Variants in SDK1 observed in about 807,000 individuals in gnomAD.
The protein encoded by SDK1 is sidekick cell adhesion molecule 1.
In SDK1, 157 loss-of-function variants were observed where a neutral mutation model predicts 245.5. The ratio of observed to expected loss-of-function variants is 0.64; its 90% CI spans 0.56 to 0.73. SDK1 has a LOEUF of 0.73. SDK1 is among the 30% of genes least tolerant of loss of function. The probability of loss-of-function intolerance (pLI) is 0.00; values close to 1 mark genes in which losing one functional copy is unlikely to be tolerated. For synonymous variants in SDK1, 1,647 were observed against 1,278.5 expected, an observed-to-expected ratio of 1.29 and a Z score of -6.15; for missense variants, 3,583 against 3,002.3, an observed-to-expected ratio of 1.19 and a Z score of -4.52.
rs77834006 is a variant in SDK1, at chr7:3,806,998, G to T, written c.714-14452G>T. 4.6e-3 allele frequency among the ~76,000 whole-genome samples: 698 copies of T among 152,064 alleles called. 7 individuals carry two copies. Among genetic ancestry groups the T allele is most frequent in the African/African-American group, 0.016 (654 of 41,470 alleles). ...TCAAAACGGCCCTTTTTGAGTTATC[G>T]ATAGCTGTATTTCACCCAGGCAAAT... On this transcript the variant is annotated intron_variant, in intron 4 of 44. Transcript: ENST00000404826.
chr7:3,742,237 A>C (rs577286296), intron 4 of SDK1, among the ~76,000 whole-genome samples: 4 of 151,642 alleles, frequency 2.6e-5, no homozygotes, highest in African/African-American at 9.7e-5. Context: ...GGGCTGTAAG[A>C]GATCAGATTA....
intron 5 of SDK1, among the ~76,000 whole-genome samples, chr7:3,874,430 G>A (rs6978318): frequency 0.19 from 29,191 of 152,048 alleles, 2,948 homozygotes; most frequent in Middle Eastern, 0.29. Context: ...TGTGTGCAGG[G>A]ATTGAGGGCA....
intron 4 of SDK1, among the ~76,000 whole-genome samples, chr7:3,808,858 AATC>A (rs1779315278): frequency 6.6e-6 from 1 of 152,194 alleles, no homozygotes; most frequent in Non-Finnish European, 1.5e-5. Flanking sequence ...AAGAAAAAAA[AATC>A]ATTAAAAATT....
Position 3,608,068 on chromosome 7 carries a change from G to C in SDK1, c.299-11012G>C, listed in dbSNP as rs73673645. ...GAGAAAACTTCTGGCACCTGAGCGC[G>C]TATCCCGAGGCAGTGGTGCCAAACT... On this transcript the variant is annotated intron_variant, in intron 1 of 44. Coordinates refer to ENST00000404826, the MANE Select transcript of SDK1 (RefSeq NM_152744.4). 2.2e-3 allele frequency among the ~76,000 whole-genome samples: 328 copies of C among 152,308 alleles called. 4 individuals carry two copies. The highest frequency in any genetic ancestry group is 7.7e-3 in the African/African-American group (318 of 41,558).
At chr7:3,314,272 C>G (rs908251049) in intron 1 of SDK1, among the ~76,000 whole-genome samples, 17 of 152,146 alleles carry the variant, frequency 1.1e-4, no homozygotes, top group African/African-American at 4.1e-4. Context: ...GTGAGGAACC[C>G]AACACCTAGA....
intron 1 of SDK1, among the ~76,000 whole-genome samples, chr7:3,495,993 G>A (rs144195972): frequency 7.2e-5 from 11 of 152,282 alleles, no homozygotes; most frequent in Admixed American, 1.3e-4. Context: ...TCAGTGGCCC[G>A]TCACTATAAC....
In SDK1 at chr7:3,993,929, A is replaced by T. The variant is rs1025915; in HGVS notation, c.2131+6607A>T. On this transcript the variant is annotated intron_variant, in intron 14 of 44. Coordinates refer to ENST00000404826, the MANE Select transcript of SDK1 (RefSeq NM_152744.4). ...CATCCCCTCAGCTTCTCTGCAAGCA[A>T]TGCTCTTGATCACTCTCCCCACACA... Among the ~76,000 whole-genome samples, 594 of 152,120 alleles carry T rather than the reference A, an allele frequency of 3.9e-3. 9 individuals carry two copies. The highest frequency in any genetic ancestry group is 0.014 in the African/African-American group (576 of 41,474).
intron 1 of SDK1, among the ~76,000 whole-genome samples, chr7:3,321,510 C>T (rs531719972): frequency 7.6e-4 from 116 of 152,202 alleles, no homozygotes; most frequent in African/African-American, 2.5e-3. Context: ...GATACTGAGT[C>T]GCTATAAAAA....
rs112682153 is a variant in SDK1, at chr7:3,859,591, T to C, written c.847+38008T>C. On this transcript the variant is annotated intron_variant, in intron 5 of 44. Transcript: ENST00000404826. ...ATGGCAGCTGGCAGCAGTTTGGACA[T>C]GGTGCATCCTGTTACATTATCAACA... is the stretch of plus-strand genomic sequence containing the variant. Among the ~76,000 whole-genome samples, 185 of 152,314 alleles carry C rather than the reference T, an allele frequency of 1.2e-3. 1 individual carries two copies. Among genetic ancestry groups the C allele is most frequent in the African/African-American group, 4.4e-3 (181 of 41,578 alleles).
chr7:3,464,696 A>ATG lies in SDK1; in HGVS notation c.299-154382_299-154381dup, dbSNP rs1554275276. On this transcript the variant is annotated intron_variant, in intron 1 of 44. Coordinates refer to ENST00000404826, the MANE Select transcript of SDK1 (RefSeq NM_152744.4). ...CATTATTCCCGTTCATTGTGTATGT[A>ATG]TGTATATATATATATATATACACAC... Among the ~76,000 whole-genome samples, 1,049 of 135,150 alleles carry ATG rather than the reference A, an allele frequency of 7.8e-3. 10 individuals are homozygous for ATG. The highest frequency in any genetic ancestry group is 0.011 in the Admixed American group (153 of 14,464). The allele number at this position is 135,150 out of a possible 152,430, so 88.7% of individuals were successfully genotyped here.
intron 5 of SDK1, among the ~76,000 whole-genome samples, chr7:3,885,278 C>T (rs902795689): frequency 2.6e-5 from 4 of 152,138 alleles, no homozygotes; most frequent in South Asian, 4.1e-4. Flanking sequence ...TTGGGAATAA[C>T]GTCTGTAAAC....
At chr7:3,333,318 G>C (rs1287131849) in intron 1 of SDK1, among the ~76,000 whole-genome samples, 2 of 152,142 alleles carry the variant, frequency 1.3e-5, no homozygotes, top group Non-Finnish European at 2.9e-5. Context: ...ACTGGTGTTT[G>C]GAAAGTACAT....
intron 1 of SDK1, among the ~76,000 whole-genome samples, chr7:3,574,984 T>C (rs1010322985): frequency 7.9e-5 from 12 of 152,054 alleles, no homozygotes; most frequent in African/African-American, 2.9e-4. Context: ...AGTTACCCTT[T>C]CTGCCCCACT....
chr7:4,133,454 A>G (rs1452339594), intron 28 of SDK1, among the ~76,000 whole-genome samples: 1 of 152,222 alleles, frequency 6.6e-6, no homozygotes, highest in Non-Finnish European at 1.5e-5. Context: ...TTGAGAGTAC[A>G]GTGAGATAAG....
At chr7:3,968,328 C>G (rs1260495541) in intron 10 of SDK1, among the ~76,000 whole-genome samples, 1 of 152,228 alleles carries the variant, frequency 6.6e-6, no homozygotes, top group African/African-American at 2.4e-5. Context: ...AGAGTCCATC[C>G]TGAACAAGTC....
chr7:3,822,621 T>C (rs529899008), intron 5 of SDK1, among the ~76,000 whole-genome samples: 1 of 151,852 alleles, frequency 6.6e-6, no homozygotes, highest in African/African-American at 2.4e-5. Context: ...AATGCAAAAT[T>C]AGCAGGCATG....
At chr7:3,834,766 C>G (rs1331271476) in intron 5 of SDK1, among the ~76,000 whole-genome samples, 1 of 152,172 alleles carries the variant, frequency 6.6e-6, no homozygotes, top group Non-Finnish European at 1.5e-5. Flanking sequence ...TTTCCGCAAG[C>G]CACGGGAAGA....
intron 5 of SDK1, among the ~76,000 whole-genome samples, chr7:3,874,134 T>A (rs1781019177): frequency 2.0e-5 from 3 of 152,220 alleles, no homozygotes; most frequent in African/African-American, 7.2e-5. Flanking sequence ...TGAAGGTTTT[T>A]GTTCGTTTGG....
intron 5 of SDK1, among the ~76,000 whole-genome samples, chr7:3,867,848 A>G (rs531737775): frequency 6.6e-6 from 1 of 152,126 alleles, no homozygotes; most frequent in African/African-American, 2.4e-5. Context: ...TTTCTTCGCT[A>G]TCATTCCTTG....
Sources: gnomAD v4.1 joint callset for allele counts (sites outside exome capture counted in the v4.1 genomes callset) on GRCh38, gnomAD v4.1.1 for gene constraint, MANE v1.5 for transcripts, NCBI Gene and HGNC (gene_info 2026-07-23, HGNC 2026-07-21) for gene names.